NUAK2: variants seen among roughly 807,000 people sequenced by gnomAD.
The protein encoded by NUAK2 is NUAK family SNF1-like kinase 2.
NUAK2 carries 20 observed loss-of-function variants against 29.8 expected under a neutral mutation model. The observed-to-expected ratio is 0.67, with a 90% CI of 0.47 to 0.98. The LOEUF is 0.98. Among genes scored for constraint, NUAK2 ranks in the 50% least tolerant of loss-of-function variants. NUAK2 has a pLI of 0.00. For missense variants in NUAK2, 719 were observed against 834.5 expected, an observed-to-expected ratio of 0.86 and a Z score of 1.71; for synonymous variants, 331 against 342.6, an observed-to-expected ratio of 0.97 and a Z score of 0.37.
Position 205,303,397 on chromosome 1 carries a change from T to G in NUAK2, c.*53A>C. 1 of 1,463,096 alleles carries G rather than the reference T, an allele frequency of 6.8e-7. No homozygotes were observed. Among genetic ancestry groups the G allele is most frequent in the Non-Finnish European group, 9.2e-7 (1 of 1,091,012 alleles). The allele number at this position is 1,463,096 out of a possible 1,614,324, so 90.6% of individuals were successfully genotyped here. ...GGGGAGAAGGCATCTCCCCTCGGGG[T>G]GCAACCAGCTGCATCTGAGAGCCTG... On this transcript the variant is annotated 3_prime_UTR_variant, in exon 7 of 7. Coordinates refer to ENST00000367157, the MANE Select transcript of NUAK2 (RefSeq NM_030952.3).
In NUAK2 at chr1:205,321,530, G is replaced by A. The variant is rs752618714; in HGVS notation, c.99C>T (p.Pro33=). ...LAEGLIKSPK[P]LMKKQAVKRH... ...GCTTCACCGCCTGCTTCTTCATTAG[G>A]GGCTTGGGCGACTTGATCAGCCCTT... The change falls in exon 1 of 7, where the codon CCC becomes CCT. Residue 33 remains proline (P), a synonymous_variant. Coordinates refer to ENST00000367157, the MANE Select transcript of NUAK2 (RefSeq NM_030952.3). 4.3e-6 allele frequency: 7 copies of A among 1,613,974 alleles called. No individual in the cohort carries two copies. Among genetic ancestry groups the A allele is most frequent in the Non-Finnish European group, 5.9e-6 (7 of 1,179,902 alleles).
At chr1:205,313,634 G>A (rs1662284517) in intron 1 of NUAK2, among the ~76,000 whole-genome samples, 1 of 151,732 alleles carries the variant, frequency 6.6e-6, no homozygotes, top group Admixed American at 6.6e-5. Flanking sequence ...CTGTCCCCCT[G>A]GGCCAGTCCC....
intron 1 of NUAK2, among the ~76,000 whole-genome samples, chr1:205,313,192 T>C (rs1662278881): frequency 6.6e-6 from 1 of 151,926 alleles, no homozygotes; most frequent in South Asian, 2.1e-4. Flanking sequence ...AAATGGTAAC[T>C]TTTATATTAT....
chr1:205,316,412 T>C (rs1662330227), intron 1 of NUAK2, among the ~76,000 whole-genome samples: 1 of 152,200 alleles, frequency 6.6e-6, no homozygotes, highest in African/African-American at 2.4e-5. Context: ...AATGTGGCAG[T>C]TGATGTCCCT....
Position 205,308,319 on chromosome 1 carries a change from G to T in NUAK2, c.505-89C>A. 9.6e-7 allele frequency: 1 copy of T among 1,043,730 alleles called. No individual in the cohort carries two copies. Among genetic ancestry groups the T allele is most frequent in the Non-Finnish European group, 1.4e-6 (1 of 704,180 alleles). The allele number at this position is 1,043,730 out of a possible 1,614,324, so 64.7% of individuals were successfully genotyped here. A position where few individuals can be genotyped will look rare whatever the true frequency, so the allele number is the denominator to read the frequency against. On this transcript the variant is annotated intron_variant, in intron 3 of 6. Coordinates refer to ENST00000367157, the MANE Select transcript of NUAK2 (RefSeq NM_030952.3). This position sits in a 1 kb window ranked among gnomAD's most constrained non-coding sequence, Gnocchi z 4.1. ...GTCTGGAGACTGAGGTAAACACAAA[G>T]GGAGCCAAGTGGGCTTGAGCACAGG...
chr1:205,321,404 C>A lies in NUAK2; in HGVS notation c.225G>T (p.Gly75=), dbSNP rs151126423. 9 of 1,613,182 alleles carry A rather than the reference C, an allele frequency of 5.6e-6. No individual in the cohort carries two copies. In the African/African-American group the frequency reaches 1.1e-4, roughly 19 times the overall value. ...GKVKKARESS[G]RLVAIKSIRK... ...GAGAGGGAGCCGCACTCACCAGGCG[C>A]CCCGAGCTCTCCCGCGCCTTCTTCA... The change falls in exon 1 of 7, where the codon GGG becomes GGT. Residue 75 remains glycine, a synonymous_variant. Transcript: ENST00000367157.
rs41264877 is a variant in NUAK2 at position 205,303,594 on chromosome 1, C to T, written c.1743G>A (p.Glu581=). Residue 581 remains glutamate, a synonymous_variant, in exon 7 of 7, where the codon GAG becomes GAA. Transcript: ENST00000367157. ...TTCCAGGGCCCTCTGAGGGGGGCTC[C>T]TCAAGCCCCGTGAGGTTGTCCACAG... The part of the protein sequence containing the change: ...CVSVDNLTGL[E]EPPSEGPGSC... The T allele has an allele frequency of 0.04, 64,910 of 1,612,724 alleles. 1,534 individuals carry two copies. Among genetic ancestry groups the T allele is most frequent in the Non-Finnish European group, 0.047 (55,785 of 1,179,574 alleles).
At position 205,304,398 on chromosome 1, in the gene NUAK2, C is replaced by T. The variant is rs754372851; in HGVS notation, c.939G>A (p.Glu313=). 1.2e-6 allele frequency: 2 copies of T among 1,604,952 alleles called. No individual in the cohort carries two copies. Among genetic ancestry groups the T allele is most frequent in the East Asian group, 2.2e-5 (1 of 44,652 alleles). The change falls in exon 7 of 7, where the codon GAG becomes GAA. Residue 313 remains glutamate, a synonymous_variant. Coordinates refer to ENST00000367157, the MANE Select transcript of NUAK2 (RefSeq NM_030952.3). This position sits in a 1 kb window ranked among gnomAD's most constrained non-coding sequence, Gnocchi z 6.5. The part of the protein sequence containing the change: ...VNWGYATRVG[E]QEAPHEGGHP... ...GCCCACCCTCATGCGGAGCCTCCTGCTCTCCCACTCGGGTGGCGTAGCCCC... is the reference window on the plus strand; with the variant it reads ...GCCCACCCTCATGCGGAGCCTCCTGTTCTCCCACTCGGGTGGCGTAGCCCC...
Position 205,306,326 on chromosome 1 carries a change from C to G in NUAK2, c.571-19G>C. The G allele has an allele frequency of 6.2e-7, 1 of 1,605,184 alleles. No homozygotes were observed. The highest frequency in any genetic ancestry group is 8.5e-7 in the Non-Finnish European group (1 of 1,175,868). Reference sequence around the variant, plus strand: ...CAGCAATCTGCAGGATTGAGTCAAACACGGGCACAGGTCATGTCAAGGCCT... The same window carrying G: ...CAGCAATCTGCAGGATTGAGTCAAAGACGGGCACAGGTCATGTCAAGGCCT... On this transcript the variant is annotated intron_variant, in intron 4 of 6. Coordinates refer to ENST00000367157, the MANE Select transcript of NUAK2 (RefSeq NM_030952.3).
chr1:205,314,123 G>A (rs1029662665), intron 1 of NUAK2, among the ~76,000 whole-genome samples: 6 of 152,210 alleles, frequency 3.9e-5, no homozygotes, highest in African/African-American at 1.4e-4. Flanking sequence ...ACAAGAATGC[G>A]GAACAGCCCT....
intron 1 of NUAK2, among the ~76,000 whole-genome samples, chr1:205,314,129 G>GC (rs1442369674): frequency 1.3e-5 from 2 of 152,242 alleles, no homozygotes; most frequent in African/African-American, 4.8e-5. Context: ...ATGCGGAACA[G>GC]CCCTAATCCC....
chr1:205,304,259 C>G lies in NUAK2; in HGVS notation c.1078G>C (p.Gly360Arg). The change falls in exon 7 of 7, where the codon GGT (glycine) becomes CGT (arginine). Residue 360 changes from glycine (G) to arginine (R), a missense_variant. This residue lies in a region of NUAK2 where 430 missense variants were observed against 465.7 expected (regional missense o/e 0.92). Coordinates refer to ENST00000367157, the MANE Select transcript of NUAK2 (RefSeq NM_030952.3). The surrounding 1 kb of genome is among the most constrained non-coding windows in gnomAD (Gnocchi z 6.5). ...AGGCCAGGGGTGGTGCTTCCCCCAC[C>G]AGGTGCATGCTGCTTGAAGAAGCTG... ...VCSFFKQHAP[G>R]GGSTTPGLER... 6.2e-7 allele frequency: 1 copy of G among 1,614,078 alleles called. No homozygotes were observed. The highest frequency in any genetic ancestry group is 8.5e-7 in the Non-Finnish European group (1 of 1,179,982).
intron 1 of NUAK2, among the ~76,000 whole-genome samples, chr1:205,320,953 TC>T (rs1218689202): frequency 1.3e-5 from 2 of 152,130 alleles, no homozygotes; most frequent in African/African-American, 4.8e-5. Context: ...GTTGGGGAAA[TC>T]CACACCTCAT....
chr1:205,318,592 T>C (rs1662361232), intron 1 of NUAK2, among the ~76,000 whole-genome samples: 2 of 152,214 alleles, frequency 1.3e-5, no homozygotes, highest in Admixed American at 1.3e-4. Context: ...CAGAGCACCA[T>C]ACACTTGGAC....
intron 2 of NUAK2, among the ~76,000 whole-genome samples, chr1:205,309,030 T>C (rs1008153323): frequency 2.0e-5 from 3 of 151,544 alleles, no homozygotes; most frequent in African/African-American, 4.9e-5. Context: ...GGCAGAGACG[T>C]CACTAGATGG....
In NUAK2 at chr1:205,304,061, G is replaced by T; in HGVS notation, c.1276C>A (p.Pro426Thr). Residue 426 changes from proline to threonine, a missense_variant, in exon 7 of 7, where the codon CCT becomes ACT. Pro to Thr is a conservative substitution (Grantham distance 38, BLOSUM62 -1). Around this residue, in one of 3 missense-constraint regions of NUAK2, gnomAD observed 430 missense variants for 465.7 expected, o/e 0.92. Coordinates refer to ENST00000367157, the MANE Select transcript of NUAK2 (RefSeq NM_030952.3). This position sits in a 1 kb window ranked among gnomAD's most constrained non-coding sequence, Gnocchi z 6.5. ...GCAGGGATTGGGCTGAGCTCCGGAG[G>T]GTCCTCCTGTACCCCTTCTGCAGAG... is the stretch of plus-strand genomic sequence containing the variant. ...SASAEGVQED[P>T]PELSPIPASP... 5.0e-6 allele frequency: 8 copies of T among 1,614,128 alleles called. No individual in the cohort carries two copies. The highest frequency in any genetic ancestry group is 6.8e-6 in the Non-Finnish European group (8 of 1,180,004).
intron 2 of NUAK2, among the ~76,000 whole-genome samples, chr1:205,311,190 G>A (rs1443877668): frequency 6.6e-6 from 1 of 152,160 alleles, no homozygotes; most frequent in Non-Finnish European, 1.5e-5. Flanking sequence ...GGAGAGGTAG[G>A]AGCCAGCCCT....
At chr1:205,307,404 G>C (rs1275384186) in intron 4 of NUAK2, among the ~76,000 whole-genome samples, 2 of 152,128 alleles carry the variant, frequency 1.3e-5, no homozygotes, top group African/African-American at 4.8e-5. Flanking sequence ...ATCAAAGAAA[G>C]CCCCACCTGC....
rs115767067 is a variant in NUAK2 at position 205,321,692 on chromosome 1, G to T, written c.-64C>A. ...TAGGCTGTGCGGGGAGGGCTGAAGCGCGGGGCACAGGTCCCGCACCAGGAC... is the reference window on the plus strand; with the variant it reads ...TAGGCTGTGCGGGGAGGGCTGAAGCTCGGGGCACAGGTCCCGCACCAGGAC... On this transcript the variant is annotated 5_prime_UTR_variant, in exon 1 of 7. Coordinates refer to ENST00000367157, the MANE Select transcript of NUAK2 (RefSeq NM_030952.3). 3.5e-3 allele frequency: 4,726 copies of T among 1,345,980 alleles called. 141 individuals carry two copies. In the African/African-American group the frequency reaches 0.059, roughly 17 times the overall value. The allele number at this position is 1,345,980 out of a possible 1,614,324, so 83.4% of individuals were successfully genotyped here.
Sources: allele counts gnomAD v4.1 joint callset (sites outside exome capture counted in the v4.1 genomes callset), GRCh38; gene constraint gnomAD v4.1.1; regional missense constraint gnomAD v4.1.1; non-coding constraint Gnocchi (gnomAD v3.1); transcripts MANE v1.5; gene names NCBI Gene and HGNC (gene_info 2026-07-23, HGNC 2026-07-21).